NR4A2: variants seen among roughly 807,000 people sequenced by gnomAD.
NR4A2 encodes the protein NGFI-B/nur77 beta-type transcription factor homolog.
NR4A2 carries 1 observed loss-of-function variant against 50.5 expected under a neutral mutation model. The ratio of observed to expected loss-of-function variants is 0.02; its 90% CI spans 0.01 to 0.09. NR4A2 has a LOEUF of 0.09. NR4A2 is among the 10% of genes least tolerant of loss of function. The probability of loss-of-function intolerance (pLI) is 1.00; values close to 1 mark genes in which losing one functional copy is unlikely to be tolerated. For synonymous variants in NR4A2, 328 were observed against 309.4 expected (o/e 1.06, Z -0.63); for missense variants, 613 against 777.3 (o/e 0.79, Z 2.51).
intron 1 of NR4A2, among the ~76,000 whole-genome samples, chr2:156,331,216 C>G (rs1317680659): frequency 6.6e-6 from 1 of 151,900 alleles, no homozygotes; most frequent in Non-Finnish European, 1.5e-5. Context: ...ATTGCCTTTT[C>G]TTTTGGTAGA....
rs1686795880 is a variant in NR4A2 at position 156,329,233 on chromosome 2, G to T, written c.864+90C>A. 3.3e-6 allele frequency: 5 copies of T among 1,524,828 alleles called. No homozygotes were observed. The East Asian group carries it at 1.2e-4, about 37-fold the overall frequency. 94.5% of individuals were successfully genotyped at this position (1,524,828 alleles called of 1,614,324 possible). A position where few individuals can be genotyped will look rare whatever the true frequency, so the allele number is the denominator to read the frequency against. ...GGGCAGTCCCGGGAGAGCTGGGGCT[G>T]GGCTACTGGCACCAAGGCAGAGGGC... On this transcript the variant is annotated intron_variant, in intron 3 of 7. Coordinates refer to ENST00000339562, the MANE Select transcript of NR4A2 (RefSeq NM_006186.4). The surrounding 1 kb of genome is among the most constrained non-coding windows in gnomAD (Gnocchi z 7.5).
At chr2:156,330,304 G>A in intron 2 of NR4A2, 116 bp from the exon 3 acceptor site, 1 of 1,207,338 alleles carries the variant, frequency 8.3e-7, no homozygotes, top group Non-Finnish European at 1.2e-6. Context: ...AGCATGTAGG[G>A]GCGCGAGAGG....
intron 5 of NR4A2, among the ~76,000 whole-genome samples, 166 bp downstream of exon 5, chr2:156,327,685 T>G (rs1326405302): frequency 6.6e-6 from 1 of 152,146 alleles, no homozygotes; most frequent in Non-Finnish European, 1.5e-5. Context: ...CTACATGGAT[T>G]GTCTGAAGAT....
rs1686746538 is a variant in NR4A2 at position 156,328,257 on chromosome 2, G to A, written c.994+147C>T. On this transcript the variant is annotated intron_variant, in intron 4 of 7. Transcript: ENST00000339562. This position sits in a 1 kb window ranked among gnomAD's most constrained non-coding sequence, Gnocchi z 4.9. ...TGGCGGCTTTCTCTAGGGAAGGCCG[G>A]GCAAGCAGGCAGCTGCAGGGTCCTG... is the stretch of plus-strand genomic sequence containing the variant. 5.8e-6 allele frequency: 8 copies of A among 1,372,174 alleles called. No individual in the cohort carries two copies. Among genetic ancestry groups the A allele is most frequent in the Non-Finnish European group, 4.1e-6 (4 of 972,106 alleles). The allele number at this position is 1,372,174 out of a possible 1,614,324, so 85.0% of individuals were successfully genotyped here.
rs1418432045 is a variant in NR4A2 at position 156,325,241 on chromosome 2, T to C, written c.*503A>G. The C allele has an allele frequency of 1.3e-5, 2 of 159,134 alleles. No homozygotes were observed. Among genetic ancestry groups the C allele is most frequent in the African/African-American group, 4.8e-5 (2 of 41,516 alleles). 9.9% of individuals were successfully genotyped at this position (159,134 alleles called of 1,614,324 possible). Reference sequence around the variant, plus strand: ...CCACCCACGCAACATTTAGTTTTACTATATATTACAGCTTTCTTTACAGCA... The same window carrying C: ...CCACCCACGCAACATTTAGTTTTACCATATATTACAGCTTTCTTTACAGCA... On this transcript the variant is annotated 3_prime_UTR_variant, in exon 8 of 8. Transcript: ENST00000339562.
chr2:156,330,923 C>A (rs541298228), intron 1 of NR4A2, 132 bp from the exon 2 acceptor site: 11 of 663,786 alleles, frequency 1.7e-5, no homozygotes, highest in Admixed American at 4.3e-5. Context: ...GAAGCCTTTA[C>A]CAAACATAGC....
Position 156,330,780 on chromosome 2 carries a change from C to A in NR4A2, c.-115G>T. On this transcript the variant is annotated 5_prime_UTR_variant, in exon 2 of 8. Transcript: ENST00000339562. ...AAAAGCAATGGGGAGTCCAGCCTGT[C>A]CAATCTCCTCCCTGAAATACAGACA... 1 of 1,246,092 alleles carries A rather than the reference C, an allele frequency of 8.0e-7. No homozygotes were observed. The highest frequency in any genetic ancestry group is 1.0e-6 in the Non-Finnish European group (1 of 994,974). The allele number at this position is 1,246,092 out of a possible 1,614,324, so 77.2% of individuals were successfully genotyped here.
chr2:156,329,473 G>T lies in NR4A2; in HGVS notation c.714C>A (p.Gly238=). Residue 238 remains glycine, a synonymous_variant, in exon 3 of 8, where the codon GGC becomes GGA. Coordinates refer to ENST00000339562, the MANE Select transcript of NR4A2 (RefSeq NM_006186.4). The surrounding 1 kb of genome is among the most constrained non-coding windows in gnomAD (Gnocchi z 7.5). ...GCGTGTCGAGCAGCTGAGACGCGTG[G>T]CCGATCTGCAGGCCCGGGAAGCCCA... ...ASMGFPGLQI[G]HASQLLDTQV... 2.5e-6 allele frequency: 4 copies of T among 1,607,178 alleles called. No individual in the cohort carries two copies. The highest frequency in any genetic ancestry group is 3.4e-6 in the Non-Finnish European group (4 of 1,178,192).
In NR4A2 at chr2:156,326,169, A is replaced by C; in HGVS notation, c.1521T>G (p.Ala507=). The change falls in exon 7 of 8, where the codon GCT becomes GCG. Residue 507 remains alanine, a synonymous_variant. Coordinates refer to ENST00000339562, the MANE Select transcript of NR4A2 (RefSeq NM_006186.4). This position sits in a 1 kb window ranked among gnomAD's most constrained non-coding sequence, Gnocchi z 4.2. ...NIDISAFSCI[A]ALAMVTERHG... is the part of the protein sequence containing the mutation. ...ACTGACCTGTGACCATAGCCAGGGC[A>C]GCAATGCAGGAGAAGGCAGAAATGT... 6.2e-7 allele frequency: 1 copy of C among 1,614,250 alleles called. No homozygotes were observed. Among genetic ancestry groups the C allele is most frequent in the Middle Eastern group, 1.6e-4 (1 of 6,062 alleles).
intron 1 of NR4A2, 76 bp from the exon 2 acceptor site, chr2:156,330,867 C>CATGGA: frequency 8.3e-7 from 1 of 1,202,758 alleles, no homozygotes; most frequent in Non-Finnish European, 1.0e-6. Context: ...ACTCACCAGG[C>CATGGA]AGGCCCTTCC....
chr2:156,326,433 T>C lies in NR4A2; in HGVS notation c.1362-105A>G, dbSNP rs1686645635. On this transcript the variant is annotated intron_variant, in intron 6 of 7. Coordinates refer to ENST00000339562, the MANE Select transcript of NR4A2 (RefSeq NM_006186.4). The surrounding 1 kb of genome is among the most constrained non-coding windows in gnomAD (Gnocchi z 4.2). ...AATGAGGGATTTAAGAGTCACCTAA[T>C]TACTGAAGAGTTAATAAAATGTAGA... 9.1e-7 allele frequency: 1 copy of C among 1,102,984 alleles called. No homozygotes were observed. The highest frequency in any genetic ancestry group is 1.4e-6 in the Non-Finnish European group (1 of 726,102). 68.3% of individuals were successfully genotyped at this position (1,102,984 alleles called of 1,614,324 possible).
Position 156,325,930 on chromosome 2 carries a change from G to A in NR4A2, c.1611C>T (p.Asp537=). The change falls in exon 8 of 8, where the codon GAC becomes GAT. Residue 537 remains aspartate (D), a synonymous_variant. Coordinates refer to ENST00000339562, the MANE Select transcript of NR4A2 (RefSeq NM_006186.4). ...ACCCCCCATTGTTGAAAGTCACGTGGTCTTTGAGACAATTTACAATCTTGT... is the reference window on the plus strand; with the variant it reads ...ACCCCCCATTGTTGAAAGTCACGTGATCTTTGAGACAATTTACAATCTTGT... ...LQNKIVNCLK[D]HVTFNNGGLN... The A allele has an allele frequency of 6.2e-7, 1 of 1,614,186 alleles. No individual in the cohort carries two copies. The highest frequency in any genetic ancestry group is 8.5e-7 in the Non-Finnish European group (1 of 1,180,042).
Position 156,332,584 on chromosome 2 carries a change from A to C in NR4A2, c.-231T>G. On this transcript the variant is annotated 5_prime_UTR_variant, in exon 1 of 8. Transcript: ENST00000339562. ...CGGGTAGGGGTGGGAGAGCTGGGCG[A>C]AGGGAACCCGGACACCTCACGGAGG... 1 of 1,031,100 alleles carries C rather than the reference A, an allele frequency of 9.7e-7. No individual in the cohort carries two copies. Among genetic ancestry groups the C allele is most frequent in the Non-Finnish European group, 1.3e-6 (1 of 754,620 alleles). The allele number at this position is 1,031,100 out of a possible 1,614,324, so 63.9% of individuals were successfully genotyped here. A position where few individuals can be genotyped will look rare whatever the true frequency, so the allele number is the denominator to read the frequency against.
At position 156,328,621 on chromosome 2, in the gene NR4A2, G is replaced by T; in HGVS notation, c.865-88C>A. 6.6e-7 allele frequency: 1 copy of T among 1,510,960 alleles called. No individual in the cohort carries two copies. Among genetic ancestry groups the T allele is most frequent in the South Asian group, 1.1e-5 (1 of 88,364 alleles). 93.6% of individuals were successfully genotyped at this position (1,510,960 alleles called of 1,614,324 possible). ...AGAAAATTTCTGTTATGTGACTGGG[G>T]TCTACGATTCCTCCCCACAAACAAA... On this transcript the variant is annotated intron_variant, in intron 3 of 7. Transcript: ENST00000339562. The surrounding 1 kb of genome is among the most constrained non-coding windows in gnomAD (Gnocchi z 4.9).
At position 156,326,595 on chromosome 2, in the gene NR4A2, G is replaced by C; in HGVS notation, c.1361+123C>G. On this transcript the variant is annotated intron_variant, in intron 6 of 7. Transcript: ENST00000339562. This position sits in a 1 kb window ranked among gnomAD's most constrained non-coding sequence, Gnocchi z 4.2. The stretch of plus-strand genomic sequence containing the variant: ...TTTCTTTCTTTTTCTTCCTTTCTCC[G>C]ACTTCCATTTCCTATTCTGTCTTTT... 8.7e-7 allele frequency: 1 copy of C among 1,144,652 alleles called. No individual in the cohort carries two copies. The highest frequency in any genetic ancestry group is 1.6e-5 in the African/African-American group (1 of 64,452). The allele number at this position is 1,144,652 out of a possible 1,614,324, so 70.9% of individuals were successfully genotyped here.
At position 156,328,316 on chromosome 2, in the gene NR4A2, G is replaced by A; in HGVS notation, c.994+88C>T. ...ACTGAGGGGGAGTCGGAGATCCCCA[G>A]CACCGGGAAGTGGAACGTGATGCTG... On this transcript the variant is annotated intron_variant, in intron 4 of 7. Coordinates refer to ENST00000339562, the MANE Select transcript of NR4A2 (RefSeq NM_006186.4). This position sits in a 1 kb window ranked among gnomAD's most constrained non-coding sequence, Gnocchi z 4.9. 3 of 1,598,900 alleles carry A rather than the reference G, an allele frequency of 1.9e-6. No individual in the cohort carries two copies. Among genetic ancestry groups the A allele is most frequent in the Non-Finnish European group, 2.6e-6 (3 of 1,167,532 alleles).
rs61748236 is a variant in NR4A2, at chr2:156,327,932, C to T, written c.1077G>A (p.Ser359=). The T allele has an allele frequency of 6.3e-7, 1 of 1,595,450 alleles. No homozygotes were observed. The highest frequency in any genetic ancestry group is 8.5e-7 in the Non-Finnish European group (1 of 1,170,220). Residue 359 remains serine (S), a synonymous_variant, in exon 5 of 8, where the codon TCG becomes TCA. Transcript: ENST00000339562. ...GGGCACTGATCAGACTCACCGGGGGCGAAGGGGGAGAGGGCTCCTGTGGGC... is the reference window on the plus strand; with the variant it reads ...GGGCACTGATCAGACTCACCGGGGGTGAAGGGGGAGAGGGCTCCTGTGGGC... ...PKSPQEPSPP[S]PPVSLISALV...
rs1011747848 is a variant in NR4A2, at chr2:156,328,082, C to T, written c.995-68G>A. ...GGCCCAGCTGCTGCCTCGGTCCCTC[C>T]CCGGGGAAGGCCGCAGCCGCGGGGC... On this transcript the variant is annotated intron_variant, in intron 4 of 7. Transcript: ENST00000339562. This position sits in a 1 kb window ranked among gnomAD's most constrained non-coding sequence, Gnocchi z 4.9. 1 of 1,558,036 alleles carries T rather than the reference C, an allele frequency of 6.4e-7. No individual in the cohort carries two copies. Among genetic ancestry groups the T allele is most frequent in the Non-Finnish European group, 8.7e-7 (1 of 1,149,456 alleles).
rs1686623233 is a variant in NR4A2, at chr2:156,325,934, T to C, written c.1607A>G (p.Lys536Arg). 1 of 1,614,180 alleles carries C rather than the reference T, an allele frequency of 6.2e-7. No homozygotes were observed. Among genetic ancestry groups the C allele is most frequent in the Middle Eastern group, 1.6e-4 (1 of 6,062 alleles). ...CCCATTGTTGAAAGTCACGTGGTCT[T>C]TGAGACAATTTACAATCTTGTTTTG... ...ELQNKIVNCL[K>R]DHVTFNNGGL... The change falls in exon 8 of 8, where the codon AAA (lysine) becomes AGA (arginine). Residue 536 changes from lysine to arginine, a missense_variant. By Grantham distance (26) the Lys-to-Arg change is conservative (BLOSUM62 2). Transcript: ENST00000339562.
Sources: allele counts gnomAD v4.1 joint callset (sites outside exome capture counted in the v4.1 genomes callset), GRCh38; gene constraint gnomAD v4.1.1; non-coding constraint Gnocchi (gnomAD v3.1); transcripts MANE v1.5; gene names NCBI Gene and HGNC (gene_info 2026-07-23, HGNC 2026-07-21).